Variants in PIP5K1A observed in about 807,000 individuals in gnomAD.
PIP5K1A encodes the protein phosphatidylinositol 4-phosphate 5-kinase type-1 alpha.
PIP5K1A carries 46 observed loss-of-function variants against 72.9 expected under a neutral mutation model. The ratio of observed to expected loss-of-function variants is 0.63; its 90% confidence interval spans 0.50 to 0.81. The LOEUF (loss-of-function observed/expected upper bound fraction) is 0.81, where lower values mean the gene tolerates loss of function less well. Ranked by LOEUF, PIP5K1A falls within the 30% of genes least tolerant of loss-of-function variation. PIP5K1A has a pLI of 0.00. For missense variants in PIP5K1A, 458 were observed against 706.1 expected, an observed-to-expected ratio of 0.65 and a Z score of 3.98; for synonymous variants, 228 against 255.1, an observed-to-expected ratio of 0.89 and a Z score of 1.01.
intron 15 of PIP5K1A, among the ~76,000 whole-genome samples, chr1:151,247,592 A>G (rs1340209034): frequency 1.3e-5 from 2 of 151,872 alleles, no homozygotes; most frequent in East Asian, 3.9e-4. Flanking sequence ...TGCCCGGCTA[A>G]TTTTTTGTAT....
At position 151,237,331 on chromosome 1, in the gene PIP5K1A, A is replaced by T. The variant is rs1289646215; in HGVS notation, c.1145+568A>T. ...TGTTCAAGAGTTAAAGACTTAAAAA[A>T]TTATAGTCTTAAATGCATGTCTGCA... On this transcript the variant is annotated intron_variant, in intron 9 of 15. Coordinates refer to ENST00000368888, the MANE Select transcript of PIP5K1A (RefSeq NM_001135638.2). Among the ~76,000 whole-genome samples the T allele has an allele frequency of 5.3e-5, 8 of 152,362 alleles. No homozygotes were observed. In the East Asian group the frequency reaches 1.5e-3, roughly 29 times the overall value.
chr1:151,236,119 C>CAAA (rs377141308), intron 8 of PIP5K1A, among the ~76,000 whole-genome samples: 728 of 64,762 alleles, frequency 0.011, 6 homozygotes, highest in African/African-American at 0.038. Context: ...GACTCCGTCT[C>CAAA]AAAAAAAAAA....
chr1:151,219,532 T>TA (rs949698377), intron 1 of PIP5K1A, among the ~76,000 whole-genome samples: 1,663 of 133,950 alleles, frequency 0.012, 35 homozygotes, highest in African/African-American at 0.042. Context: ...ACAAAAAATT[T>TA]AAAAAAAAAA....
chr1:151,196,876 T>C (rs1684598384), upstream of PIP5K1A, among the ~76,000 whole-genome samples: 1 of 146,468 alleles, frequency 6.8e-6, no homozygotes, highest in Admixed American at 6.9e-5. Flanking sequence ...TTTTTTTTTT[T>C]TGAGACTGAG....
chr1:151,242,544 G>C lies in PIP5K1A; in HGVS notation c.1617G>C (p.Glu539Asp), dbSNP rs1691906124. The change falls in exon 14 of 16, where the codon GAG (glutamate) becomes GAC (aspartate). Residue 539 changes from glutamate to aspartate, a missense_variant. By Grantham distance (45) the Glu-to-Asp change is conservative. This residue lies in a region of PIP5K1A where 157 missense variants were observed against 175.5 expected (regional missense o/e 0.89). Transcript: ENST00000368888. ...PDPSFSPLVG[E>D]TLQMLTTSTT... Reference sequence around the variant, plus strand: ...CCAGTTTCTCACCTCTAGTTGGAGAGACTTTGCAAATGCTAACTACAAGGT... The same window carrying C: ...CCAGTTTCTCACCTCTAGTTGGAGACACTTTGCAAATGCTAACTACAAGGT... 6.2e-7 allele frequency: 1 copy of C among 1,613,884 alleles called. No homozygotes were observed. The highest frequency in any genetic ancestry group is 1.3e-5 in the African/African-American group (1 of 74,920).
intron 12 of PIP5K1A, among the ~76,000 whole-genome samples, chr1:151,240,642 A>C (rs1691546292): frequency 1.3e-5 from 2 of 152,068 alleles, no homozygotes; most frequent in Admixed American, 1.3e-4. Context: ...ATATGGAAAA[A>C]CCAGGCTGGG....
intron 1 of PIP5K1A, among the ~76,000 whole-genome samples, chr1:151,202,927 G>A (rs1054876196): frequency 8.6e-5 from 13 of 151,100 alleles, no homozygotes; most frequent in Non-Finnish European, 1.9e-4. Flanking sequence ...CACCTGCCAC[G>A]TCTGGCTAAT....
At chr1:151,226,151 G>T (rs1689095348) in intron 3 of PIP5K1A, among the ~76,000 whole-genome samples, 1 of 149,638 alleles carries the variant, frequency 6.7e-6, no homozygotes, top group South Asian at 2.1e-4. Flanking sequence ...GCAGTGGTGC[G>T]ATCTCGGCTC....
intron 1 of PIP5K1A, among the ~76,000 whole-genome samples, chr1:151,221,292 A>G (rs1688363467): frequency 6.6e-6 from 1 of 152,208 alleles, no homozygotes; most frequent in South Asian, 2.1e-4. Flanking sequence ...GAGAGAATGT[A>G]GAGATGCCTG....
At chr1:151,231,943 A>G (rs966658886) in intron 5 of PIP5K1A, 142 bp downstream of exon 5, 3 of 790,480 alleles carry the variant, frequency 3.8e-6, no homozygotes, top group Non-Finnish European at 6.4e-6. Flanking sequence ...ATGTGGGACT[A>G]GAGAGTTCGG....
upstream of PIP5K1A, chr1:151,198,252 C>T: frequency 5.4e-6 from 2 of 368,566 alleles, no homozygotes; most frequent in Non-Finnish European, 1.1e-5. Flanking sequence ...GACACCAGTA[C>T]TCCCGCAGAG....
chr1:151,247,796 A>G, intron 15 of PIP5K1A, 67 bp from the exon 16 acceptor site: 1 of 1,326,724 alleles, frequency 7.5e-7, no homozygotes, highest in Non-Finnish European at 1.1e-6. Flanking sequence ...AAATTTCTTA[A>G]CGCTTGAATT....
In PIP5K1A at chr1:151,204,237, C is replaced by T. The variant is rs1178826610; in HGVS notation, c.85+5156C>T. On this transcript the variant is annotated intron_variant, in intron 1 of 15. Transcript: ENST00000368888. The stretch of plus-strand genomic sequence containing the variant: ...TGTTGCCCTGGTTGGAGTGCAATGG[C>T]GCGATCTCGGCTCACTGTAACCTCT... Among the ~76,000 whole-genome samples the T allele has an allele frequency of 2.6e-5, 4 of 152,180 alleles. No homozygotes were observed. In the South Asian group the frequency reaches 6.2e-4, roughly 24 times the overall value.
intron 13 of PIP5K1A, 60 bp downstream of exon 13, chr1:151,242,329 TTTATC>T: frequency 6.2e-7 from 1 of 1,604,208 alleles, no homozygotes; most frequent in South Asian, 1.1e-5. Flanking sequence ...CTTCTGAGCC[TTTATC>T]TTGTCTGGCC....
At chr1:151,222,856 T>A (rs6678528) in intron 1 of PIP5K1A, among the ~76,000 whole-genome samples, 127,734 of 152,148 alleles carry the variant, frequency 0.84, 53,934 homozygotes, top group Non-Finnish European at 0.87. Flanking sequence ...GATGGTAATT[T>A]GAATTTCATG....
rs587673269 is a variant in PIP5K1A, at chr1:151,237,147, G to A, written c.1145+384G>A. 4.5e-3 allele frequency among the ~76,000 whole-genome samples: 690 copies of A among 152,160 alleles called. 7 individuals are homozygous for A. Among genetic ancestry groups the A allele is most frequent in the Middle Eastern group, 0.014 (4 of 294 alleles). ...GCCCGGCCACAGCACTTTTTCTTTA[G>A]GAAGGGACCCAGCTTCTGGAAAGGA... is the stretch of plus-strand genomic sequence containing the variant. On this transcript the variant is annotated intron_variant, in intron 9 of 15. Coordinates refer to ENST00000368888, the MANE Select transcript of PIP5K1A (RefSeq NM_001135638.2).
In PIP5K1A at chr1:151,240,769, A is replaced by G. The variant is rs192504588; in HGVS notation, c.1363+730A>G. The stretch of plus-strand genomic sequence containing the variant: ...ATCATGAGACCTTGTCTCTACAACA[A>G]ATTTTAAAAAGATAAAAAAATCTTT... On this transcript the variant is annotated intron_variant, in intron 12 of 15. Coordinates refer to ENST00000368888, the MANE Select transcript of PIP5K1A (RefSeq NM_001135638.2). Among the ~76,000 whole-genome samples, 12 of 152,268 alleles carry G rather than the reference A, an allele frequency of 7.9e-5. No homozygotes were observed. The East Asian group carries it at 2.1e-3, about 27-fold the overall frequency.
chr1:151,205,470 G>C (rs1215550727), intron 1 of PIP5K1A, among the ~76,000 whole-genome samples: 1 of 151,522 alleles, frequency 6.6e-6, no homozygotes, highest in Non-Finnish European at 1.5e-5. Context: ...GCTACTGCCC[G>C]GCCTCTCTCC....
At chr1:151,226,719 A>G (rs1019466328) in intron 3 of PIP5K1A, among the ~76,000 whole-genome samples, 1 of 149,366 alleles carries the variant, frequency 6.7e-6, no homozygotes, top group African/African-American at 2.5e-5. Flanking sequence ...GTCTCAAAAA[A>G]AAAAAAAAAA....
Sources: allele counts gnomAD v4.1 joint callset (sites outside exome capture counted in the v4.1 genomes callset), GRCh38; gene constraint gnomAD v4.1.1; regional missense constraint gnomAD v4.1.1; transcripts MANE v1.5; gene names NCBI Gene and HGNC (gene_info 2026-07-23, HGNC 2026-07-21).